The following JHY variants were observed in gnomAD, a reference collection of about 807,000 sequenced individuals.
JHY encodes junctional cadherin complex regulator.
Under a neutral mutation model 78.0 loss-of-function variants are expected in JHY, and 69 were observed. That is an observed-to-expected ratio of 0.88 (90% CI 0.73 to 1.08). The LOEUF (loss-of-function observed/expected upper bound fraction) is 1.08. JHY is among the 50% of genes least tolerant of loss of function. The pLI, the probability that JHY is intolerant of heterozygous loss-of-function variation, is 0.00. For synonymous variants in JHY, 368 were observed against 342.6 expected, an observed-to-expected ratio of 1.07 and a Z score of -0.82; for missense variants, 944 against 927.8, an observed-to-expected ratio of 1.02 and a Z score of -0.23.
chr11:122,914,170 T>C (rs988947179), intron 3 of JHY, among the ~76,000 whole-genome samples: 4 of 152,200 alleles, frequency 2.6e-5, no homozygotes, highest in African/African-American at 9.7e-5. Flanking sequence ...CTTTTTATAA[T>C]CTTACAGCCT....
At chr11:122,884,787 A>C (rs1316893527) in intron 1 of JHY, among the ~76,000 whole-genome samples, 1 of 151,980 alleles carries the variant, frequency 6.6e-6, no homozygotes, top group Non-Finnish European at 1.5e-5. Flanking sequence ...AGACCACTAA[A>C]TCTTTTGTTG....
At chr11:122,894,314 AAAC>A (rs1178363878) in intron 2 of JHY, among the ~76,000 whole-genome samples, 1 of 152,098 alleles carries the variant, frequency 6.6e-6, no homozygotes, top group East Asian at 1.9e-4. Context: ...TCAAAAAACA[AAAC>A]AAAAAAAAAG....
chr11:122,953,293 TAAA>T (rs1864129959), intron 6 of JHY, among the ~76,000 whole-genome samples: 1 of 152,066 alleles, frequency 6.6e-6, no homozygotes, highest in Non-Finnish European at 1.5e-5. Flanking sequence ...ACTATAGTAC[TAAA>T]ATGCTTAGAA....
intron 3 of JHY, among the ~76,000 whole-genome samples, chr11:122,918,167 C>T (rs937055370): frequency 4.6e-5 from 7 of 151,514 alleles, no homozygotes; most frequent in African/African-American, 1.5e-4. Context: ...TCCCAAACTG[C>T]TGGGATTACA....
At chr11:122,937,447 C>T (rs868110609) in intron 5 of JHY, among the ~76,000 whole-genome samples, 4 of 152,126 alleles carry the variant, frequency 2.6e-5, no homozygotes, top group Non-Finnish European at 4.4e-5. Context: ...CTTTCTTTCT[C>T]TTTCGAGACT....
chr11:122,900,572 A>G (rs1862832220), intron 2 of JHY, among the ~76,000 whole-genome samples: 1 of 112,316 alleles, frequency 8.9e-6, no homozygotes, highest in South Asian at 3.0e-4. Context: ...TGAGATTGTC[A>G]TGGGGAAAAG....
chr11:122,924,798 C>A, intron 3 of JHY, 99 bp from the exon 4 acceptor site: 1 of 835,132 alleles, frequency 1.2e-6, no homozygotes, highest in Non-Finnish European at 1.9e-6. Context: ...TAAAACCTAG[C>A]CCAGCAGGAC....
In JHY at chr11:122,961,307, T is replaced by A. The variant is rs1181714009; in HGVS notation, c.*1862T>A. Among the ~76,000 whole-genome samples, 1 of 118,876 alleles carries A rather than the reference T, an allele frequency of 8.4e-6. No homozygotes were observed. Among genetic ancestry groups the A allele is most frequent in the Non-Finnish European group, 2.0e-5 (1 of 49,824 alleles). 78.0% of individuals were successfully genotyped at this position (118,876 alleles called of 152,430 possible). ...AGCATTTGAGTTGTTCCATGATCAT[T>A]TTTTTATTGTTGTTTTTTTTGCTGT... is the stretch of plus-strand genomic sequence containing the variant. On this transcript the variant is annotated 3_prime_UTR_variant, in exon 9 of 9. Transcript: ENST00000227349.
rs1465865829 is a variant in JHY at position 122,904,069 on chromosome 11, C to T, written c.489C>T (p.Leu163=). ...TAGAAAATCTGCCTTTGGCTCCCCT[C>T]TACCCTTCCCAGGAGACGTCAATGG... The part of the protein sequence containing the change: ...SSLENLPLAP[L]YPSQETSMEL... Residue 163 remains leucine (L), a synonymous_variant, in exon 3 of 9, where the codon CTC becomes CTT. Coordinates refer to ENST00000227349, the MANE Select transcript of JHY (RefSeq NM_024806.4). The T allele has an allele frequency of 6.2e-7, 1 of 1,614,182 alleles. No individual in the cohort carries two copies. Among genetic ancestry groups the T allele is most frequent in the East Asian group, 2.2e-5 (1 of 44,886 alleles).
Position 122,913,796 on chromosome 11 carries a change from C to A in JHY, c.864+9352C>A, listed in dbSNP as rs532797238. On this transcript the variant is annotated intron_variant, in intron 3 of 8. Transcript: ENST00000227349. The stretch of plus-strand genomic sequence containing the variant: ...CATCATGTAAAGATGACTGTCTACT[C>A]CTTAAGATCATGAACTTGTTCATCT... Among the ~76,000 whole-genome samples the A allele has an allele frequency of 3.3e-5, 5 of 152,302 alleles. No homozygotes were observed. In the East Asian group the frequency reaches 9.6e-4, roughly 29 times the overall value.
intron 2 of JHY, among the ~76,000 whole-genome samples, chr11:122,892,558 G>A (rs1862646006): frequency 1.3e-5 from 2 of 152,170 alleles, no homozygotes; most frequent in Non-Finnish European, 2.9e-5. Context: ...TTCTGACCTC[G>A]TGATCTGCCC....
intron 3 of JHY, chr11:122,905,325 G>A: frequency 6.3e-7 from 1 of 1,578,076 alleles, no homozygotes; most frequent in Non-Finnish European, 8.6e-7. Flanking sequence ...GGTTAGAATG[G>A]TAGAGTCCAC....
rs1400348251 is a variant in JHY at position 122,883,437 on chromosome 11, A to G, written c.-90+465A>G. ...CTTTTCCCCTCCAGGAGAAAGTTCG[A>G]TTGTCCCATGCTAGTGGACTAGACC... On this transcript the variant is annotated intron_variant, in intron 1 of 8. Coordinates refer to ENST00000227349, the MANE Select transcript of JHY (RefSeq NM_024806.4). This position sits in a 1 kb window ranked among gnomAD's most constrained non-coding sequence, Gnocchi z 4.4. Among the ~76,000 whole-genome samples, 1 of 152,054 alleles carries G rather than the reference A, an allele frequency of 6.6e-6. No homozygotes were observed. Among genetic ancestry groups the G allele is most frequent in the Non-Finnish European group, 1.5e-5 (1 of 68,004 alleles).
chr11:122,901,888 T>A (rs7928196), intron 2 of JHY, among the ~76,000 whole-genome samples: 136,699 of 149,050 alleles, frequency 0.92, 62,366 homozygotes, highest in Middle Eastern at 0.97. Context: ...AAAAAAAAAA[T>A]TTTTATTTTT....
At chr11:122,946,464 T>C in intron 5 of JHY, 34 bp from the exon 6 acceptor site, 1 of 1,537,398 alleles carries the variant, frequency 6.5e-7, no homozygotes, top group South Asian at 1.3e-5. Context: ...TTGGATTTTA[T>C]TAATAGATTT....
intron 2 of JHY, among the ~76,000 whole-genome samples, chr11:122,902,180 G>T (rs1274021394): frequency 2.6e-5 from 4 of 152,062 alleles, no homozygotes; most frequent in Non-Finnish European, 5.9e-5. Context: ...GTAGTGGCTG[G>T]GGACGGTGGC....
At chr11:122,936,003 A>G (rs1863747137) in intron 5 of JHY, among the ~76,000 whole-genome samples, 1 of 152,192 alleles carries the variant, frequency 6.6e-6, no homozygotes. Context: ...ATTTACCAAA[A>G]TGTCAATAGT....
At chr11:122,949,629 G>T (rs1307006681) in intron 6 of JHY, among the ~76,000 whole-genome samples, 1 of 152,012 alleles carries the variant, frequency 6.6e-6, no homozygotes, top group East Asian at 1.9e-4. Flanking sequence ...CAACCCTAGA[G>T]TTCTTACCCC....
chr11:122,922,241 A>G (rs527281231), intron 3 of JHY, among the ~76,000 whole-genome samples: 9 of 152,346 alleles, frequency 5.9e-5, no homozygotes, highest in Non-Finnish European at 1.3e-4. Context: ...ATCAACCTTT[A>G]AGTATTCAAA....
Sources: gnomAD v4.1 joint callset for allele counts (sites outside exome capture counted in the v4.1 genomes callset) on GRCh38, gnomAD v4.1.1 for gene constraint, Gnocchi (gnomAD v3.1) non-coding constraint, MANE v1.5 for transcripts, NCBI Gene and HGNC (gene_info 2026-07-23, HGNC 2026-07-21) for gene names.